Variants in KMT2C observed in about 807,000 individuals in gnomAD.
KMT2C encodes the protein histone-lysine N-methyltransferase 2C.
KMT2C carries 88 observed loss-of-function variants against 507.9 expected under a neutral mutation model. That is an observed-to-expected ratio of 0.17 (90% CI 0.15 to 0.21). KMT2C has a LOEUF of 0.21. Among genes scored for constraint, KMT2C ranks in the 10% least tolerant of loss-of-function variants. The pLI is 1.00. For missense variants in KMT2C, 4,954 were observed against 5,957.8 expected (o/e 0.83, Z 5.55); for synonymous variants, 2,049 against 2,080.8 (o/e 0.98, Z 0.42).
chr7:152,182,725 T>C (rs1332501959), intron 35 of KMT2C, 131 bp from the exon 36 acceptor site: 9 of 851,192 alleles, frequency 1.1e-5, no homozygotes, highest in Middle Eastern at 3.5e-4. Context: ...TATTAGATTA[T>C]GAATTCCTGA....
At chr7:152,159,932 C>T (rs746433415) in intron 43 of KMT2C, among the ~76,000 whole-genome samples, 1 of 152,154 alleles carries the variant, frequency 6.6e-6, no homozygotes, top group African/African-American at 2.4e-5. Flanking sequence ...AATAGTTTAG[C>T]GCATGGATGG....
At chr7:152,238,535 T>C (rs1225462756) in intron 15 of KMT2C, among the ~76,000 whole-genome samples, 172 bp downstream of exon 15, 1 of 152,298 alleles carries the variant, frequency 6.6e-6, no homozygotes, top group Non-Finnish European at 1.5e-5. Context: ...ATTAAAAATG[T>C]ATACTTGATT....
chr7:152,162,145 A>T lies in KMT2C; in HGVS notation c.11432T>A (p.Val3811Asp). 6.3e-7 allele frequency: 1 copy of T among 1,576,714 alleles called. No homozygotes were observed. The highest frequency in any genetic ancestry group is 8.6e-7 in the Non-Finnish European group (1 of 1,164,436). The stretch of plus-strand genomic sequence containing the variant: ...TCCTTCAGCTGGGTTCTGCTTCTCA[A>T]CTAGTTTATTATCCTTTGTACAGTC... ...EDDCTKDNKL[V>D]EKQNPAEGLQ... Residue 3811 changes from valine to aspartate, a missense_variant, in exon 43 of 59, where the codon GTT (valine) becomes GAT (aspartate). Transcript: ENST00000262189.
At chr7:152,327,060 T>C (rs2096835560) in intron 3 of KMT2C, among the ~76,000 whole-genome samples, 1 of 152,154 alleles carries the variant, frequency 6.6e-6, no homozygotes, top group Non-Finnish European at 1.5e-5. Context: ...CTCTGTCCTG[T>C]CTAATGAAAA....
At chr7:152,367,163 T>C in intron 1 of KMT2C, 1 of 1,446,026 alleles carries the variant, frequency 6.9e-7, no homozygotes, top group Non-Finnish European at 9.5e-7. Flanking sequence ...AGGAAAATTC[T>C]TCCAAGGATG....
intron 9 of KMT2C, among the ~76,000 whole-genome samples, chr7:152,255,116 T>TATATATAC (rs1554583614): frequency 7.3e-5 from 7 of 95,700 alleles, no homozygotes; most frequent in African/African-American, 4.2e-4. Flanking sequence ...CACTTATATA[T>TATATATAC]ATATATATAT....
At position 152,242,528 on chromosome 7, in the gene KMT2C, A is replaced by T. The variant is rs1380645720; in HGVS notation, c.2533-3702T>A. On this transcript the variant is annotated intron_variant, in intron 14 of 58. Transcript: ENST00000262189. ...CTATCAAATACTACAGAAACTAAAA[A>T]AACACTACCTGGCAGGGACTGAATT... is the stretch of plus-strand genomic sequence containing the variant. Among the ~76,000 whole-genome samples, 5 of 152,316 alleles carry T rather than the reference A, an allele frequency of 3.3e-5. No homozygotes were observed. The East Asian group carries it at 9.6e-4, about 29-fold the overall frequency.
intron 6 of KMT2C, among the ~76,000 whole-genome samples, chr7:152,297,218 C>A (rs1477964173): frequency 1.3e-5 from 2 of 152,070 alleles, no homozygotes; most frequent in Non-Finnish European, 2.9e-5. Flanking sequence ...CCCCAGCACA[C>A]AACGATAAGA....
intron 1 of KMT2C, among the ~76,000 whole-genome samples, chr7:152,359,812 G>A (rs907683494): frequency 6.6e-6 from 1 of 152,058 alleles, no homozygotes; most frequent in Non-Finnish European, 1.5e-5. Flanking sequence ...ACTTTGGGAG[G>A]CTGAGGCAGA....
intron 1 of KMT2C, chr7:152,367,899 C>T: frequency 9.6e-7 from 1 of 1,046,332 alleles, no homozygotes; most frequent in Non-Finnish European, 1.5e-6. Flanking sequence ...GAAGCGTTCG[C>T]ATGAAAAAGT....
intron 6 of KMT2C, among the ~76,000 whole-genome samples, chr7:152,306,357 A>G (rs755251633): frequency 6.6e-6 from 1 of 152,166 alleles, no homozygotes; most frequent in Non-Finnish European, 1.5e-5. Flanking sequence ...ATATACTCTG[A>G]GAAGTGCCAC....
intron 6 of KMT2C, among the ~76,000 whole-genome samples, chr7:152,297,225 AAG>A (rs1465363055): frequency 9.2e-5 from 14 of 152,158 alleles, no homozygotes; most frequent in African/African-American, 3.1e-4. Flanking sequence ...ACACAACGAT[AAG>A]AGTTTCCAGG....
Position 152,252,627 on chromosome 7 carries a change from T to C in KMT2C, c.1388A>G (p.Gln463Arg), listed in dbSNP as rs1422238292. The change falls in exon 10 of 59, where the codon CAG (glutamine) becomes CGG (arginine). Residue 463 changes from glutamine (Q) to arginine (R), a missense_variant. Physicochemically the swap from Gln to Arg is conservative, Grantham distance 43. Transcript: ENST00000262189. ...CCCACAGAAGGGACATAAGTTATCC[T>C]GCTGTTGGTAACAATTGTCACATAT... ...CLICDNCYQQ[Q>R]DNLCPFCGKC... 6.2e-7 allele frequency: 1 copy of C among 1,613,528 alleles called. No homozygotes were observed. The highest frequency in any genetic ancestry group is 8.5e-7 in the Non-Finnish European group (1 of 1,179,622).
intron 14 of KMT2C, among the ~76,000 whole-genome samples, chr7:152,240,040 T>C (rs1440093430): frequency 1.2e-4 from 18 of 152,298 alleles, no homozygotes; most frequent in African/African-American, 3.8e-4. Flanking sequence ...TCCACACACA[T>C]TGAAGTCCAG....
At chr7:152,206,089 T>C (rs1428002253) in intron 24 of KMT2C, among the ~76,000 whole-genome samples, 1 of 152,088 alleles carries the variant, frequency 6.6e-6, no homozygotes, top group Non-Finnish European at 1.5e-5. Flanking sequence ...TTTCACTGGT[T>C]AAAAAAGGGG....
chr7:152,269,709 G>GA (rs1479816282), intron 7 of KMT2C, among the ~76,000 whole-genome samples: 1 of 152,174 alleles, frequency 6.6e-6, no homozygotes, highest in Non-Finnish European at 1.5e-5. Context: ...ACTGATCAAT[G>GA]AAAGTGATGA....
chr7:152,271,761 G>A (rs1030646652), intron 7 of KMT2C, among the ~76,000 whole-genome samples: 10 of 151,140 alleles, frequency 6.6e-5, no homozygotes, highest in African/African-American at 1.2e-4. Context: ...TTTGAAGGCT[G>A]CTATAAGAAA....
At chr7:152,349,618 C>A (rs1352507312) in intron 2 of KMT2C, among the ~76,000 whole-genome samples, 1 of 151,802 alleles carries the variant, frequency 6.6e-6, no homozygotes, top group East Asian at 1.9e-4. Flanking sequence ...ATAGTGGTTG[C>A]CATAGGTTAG....
rs528688034 is a variant in KMT2C at position 152,136,615 on chromosome 7, C to T, written c.*217G>A. On this transcript the variant is annotated 3_prime_UTR_variant, in exon 59 of 59. Coordinates refer to ENST00000262189, the MANE Select transcript of KMT2C (RefSeq NM_170606.3). ...AAAGTGCTGGACCATTCTGTGATTC[C>T]GTTTAACCTCGGCCACTTCAGGAAC... The T allele has an allele frequency of 5.2e-4, 277 of 536,120 alleles. 2 individuals carry two copies. Among genetic ancestry groups the T allele is most frequent in the African/African-American group, 4.9e-3 (253 of 51,972 alleles). The allele number at this position is 536,120 out of a possible 1,614,324, so 33.2% of individuals were successfully genotyped here. A position where few individuals can be genotyped will look rare whatever the true frequency, so the allele number is the denominator to read the frequency against.
Sources: allele counts gnomAD v4.1 joint callset (sites outside exome capture counted in the v4.1 genomes callset), GRCh38; gene constraint gnomAD v4.1.1; transcripts MANE v1.5; gene names NCBI Gene and HGNC (gene_info 2026-07-23, HGNC 2026-07-21).